SLC45A1: variants seen among roughly 807,000 people sequenced by gnomAD.
SLC45A1 encodes the protein solute carrier family 45 member 1, also known as proton-associated sugar transporter A.
In SLC45A1, 28 loss-of-function variants were observed where a neutral mutation model predicts 57.6. That is an observed-to-expected ratio of 0.49 (90% confidence interval 0.36 to 0.67). The LOEUF (loss-of-function observed/expected upper bound fraction) is 0.67. Ranked by LOEUF, SLC45A1 falls within the 30% of genes least tolerant of loss-of-function variation. SLC45A1 has a pLI of 0.00. For missense variants in SLC45A1, 814 were observed against 1,041.5 expected, an observed-to-expected ratio of 0.78 and a Z score of 3.01; for synonymous variants, 459 against 471.5, an observed-to-expected ratio of 0.97 and a Z score of 0.34.
intron 1 of SLC45A1, among the ~76,000 whole-genome samples, chr1:8,322,023 A>ATGGATGGG (rs1553149751): frequency 0.11 from 3,449 of 32,192 alleles, 433 homozygotes; most frequent in African/African-American, 0.2. Context: ...GGATGGATGG[A>ATGGATGGG]TGGATGGGTG....
intron 1 of SLC45A1, among the ~76,000 whole-genome samples, chr1:8,318,521 T>C (rs1026014142): frequency 2.6e-5 from 4 of 152,192 alleles, no homozygotes; most frequent in Admixed American, 2.0e-4. Flanking sequence ...CCTGGGCAGG[T>C]GTCATCCGCT....
At chr1:8,332,088 G>A (rs532696412) in intron 5 of SLC45A1, among the ~76,000 whole-genome samples, 7 of 152,294 alleles carry the variant, frequency 4.6e-5, no homozygotes, top group East Asian at 1.9e-4. Context: ...CACTGCGCCC[G>A]GCCGACAACT....
intron 1 of SLC45A1, among the ~76,000 whole-genome samples, chr1:8,320,908 G>A (rs563473875): frequency 6.6e-6 from 1 of 152,284 alleles, no homozygotes; most frequent in East Asian, 1.9e-4. Context: ...TGGGCAGAGG[G>A]ACAGAAAGGG....
chr1:8,344,001 G>C lies in SLC45A1; in HGVS notation c.2235G>C (p.Leu745=). The change falls in exon 9 of 9, where the codon CTG becomes CTC. Residue 745 remains leucine, a synonymous_variant. Coordinates refer to ENST00000471889, the MANE Select transcript of SLC45A1 (RefSeq NM_001080397.3). ...DAADEEHRPL[L]LNV ...CAGACGAGGAGCACCGGCCCCTCCT[G>C]CTGAACGTCTGACATCGCGGAGCCT... 1 of 1,607,702 alleles carries C rather than the reference G, an allele frequency of 6.2e-7. No homozygotes were observed. The highest frequency in any genetic ancestry group is 8.5e-7 in the Non-Finnish European group (1 of 1,175,850).
At chr1:8,338,020 G>A (rs779085166) in intron 7 of SLC45A1, 28 bp downstream of exon 7, 4 of 1,606,238 alleles carry the variant, frequency 2.5e-6, no homozygotes, top group South Asian at 1.1e-5. Flanking sequence ...GGCTGGCACG[G>A]CAGTGAGAGC....
Position 8,343,233 on chromosome 1 carries a change from C to T in SLC45A1, c.1981-514C>T, listed in dbSNP as rs1295950574. On this transcript the variant is annotated intron_variant, in intron 8 of 8. Transcript: ENST00000471889. The surrounding 1 kb of genome is among the most constrained non-coding windows in gnomAD (Gnocchi z 7.7). ...CGTCACTCTGCACAGACCACACTCTCAGCCACTGTCCCCCAGCATGGCATG... is the reference window on the plus strand; with the variant it reads ...CGTCACTCTGCACAGACCACACTCTTAGCCACTGTCCCCCAGCATGGCATG... Among the ~76,000 whole-genome samples, 1 of 152,208 alleles carries T rather than the reference C, an allele frequency of 6.6e-6. No homozygotes were observed. Among genetic ancestry groups the T allele is most frequent in the African/African-American group, 2.4e-5 (1 of 41,448 alleles).
At chr1:8,332,366 G>T (rs544932561) in intron 5 of SLC45A1, among the ~76,000 whole-genome samples, 2 of 152,334 alleles carry the variant, frequency 1.3e-5, no homozygotes, top group African/African-American at 4.8e-5. Flanking sequence ...ATAAAAACAG[G>T]AATCTCCAGG....
rs773256626 is a variant in SLC45A1, at chr1:8,335,427, CT to C, written c.1444-9del. On this transcript the variant is annotated splice_polypyrimidine_tract_variant and intron_variant, in intron 5 of 8. Coordinates refer to ENST00000471889, the MANE Select transcript of SLC45A1 (RefSeq NM_001080397.3). This position sits in a 1 kb window ranked among gnomAD's most constrained non-coding sequence, Gnocchi z 4.1. The stretch of plus-strand genomic sequence containing the variant: ...GGGGCTCTGATGAGGGGTTTGTGGG[CT>C]CTTCCCAGGTGGCCAATATCCTGCT... 27 of 1,577,770 alleles carry C rather than the reference CT, an allele frequency of 1.7e-5. No individual in the cohort carries two copies. Among genetic ancestry groups the C allele is most frequent in the Admixed American group, 6.9e-5 (4 of 57,956 alleles).
Position 8,330,897 on chromosome 1 carries a change from C to T in SLC45A1, c.1404C>T (p.Pro468=), listed in dbSNP as rs757279390. Residue 468 remains proline (P), a synonymous_variant, in exon 5 of 9, where the codon CCC becomes CCT. Transcript: ENST00000471889. This position sits in a 1 kb window ranked among gnomAD's most constrained non-coding sequence, Gnocchi z 8.4. ...CGGACGCAGCCGGAGGAGGGGGTCC[C>T]GAAACCAGCAGGAGAAGGAATGTGA... ...AIPDAAGGGG[P]ETSRRRNVTF... is the part of the protein sequence containing the mutation. The T allele has an allele frequency of 5.6e-6, 9 of 1,601,348 alleles. No individual in the cohort carries two copies. The highest frequency in any genetic ancestry group is 3.3e-5 in the South Asian group (3 of 90,660).
At position 8,325,397 on chromosome 1, in the gene SLC45A1, T is replaced by A. The variant is rs764248076; in HGVS notation, c.490+7T>A. The A allele has an allele frequency of 1.3e-6, 2 of 1,580,120 alleles. No individual in the cohort carries two copies. Among genetic ancestry groups the A allele is most frequent in the South Asian group, 2.2e-5 (2 of 89,752 alleles). On this transcript the variant is annotated splice_region_variant and intron_variant, in intron 3 of 8. Coordinates refer to ENST00000471889, the MANE Select transcript of SLC45A1 (RefSeq NM_001080397.3). The surrounding 1 kb of genome is among the most constrained non-coding windows in gnomAD (Gnocchi z 6.3). ...ATTCTTGTCCTGGCTATAGGTCTGT[T>A]GTTTTGGCATGGAAATAAAATGGAG...
In SLC45A1 at chr1:8,335,509, C is replaced by G. The variant is rs1640579158; in HGVS notation, c.1516C>G (p.Pro506Ala). Residue 506 changes from proline (P) to alanine (A), a missense_variant, in exon 6 of 9, where the codon CCT becomes GCT. By Grantham distance (27) the Pro-to-Ala change is conservative. Coordinates refer to ENST00000471889, the MANE Select transcript of SLC45A1 (RefSeq NM_001080397.3). This position sits in a 1 kb window ranked among gnomAD's most constrained non-coding sequence, Gnocchi z 4.1. ...GGGCTCCAGCGAGCGCGCGGAGCAG[C>G]CTCTGTCCGTGGGGCGCCTCTGCTC... ...LTGSSERAEQ[P>A]LSVGRLCSTI... The G allele has an allele frequency of 1.2e-6, 2 of 1,604,488 alleles. No individual in the cohort carries two copies. The highest frequency in any genetic ancestry group is 2.2e-5 in the East Asian group (1 of 44,872).
chr1:8,341,959 G>A (rs1640833925), intron 8 of SLC45A1, among the ~76,000 whole-genome samples: 5 of 152,126 alleles, frequency 3.3e-5, no homozygotes, highest in Middle Eastern at 3.4e-3. Context: ...TGTAATCCCA[G>A]CACTTTGGGA....
intron 8 of SLC45A1, among the ~76,000 whole-genome samples, 171 bp downstream of exon 8, chr1:8,339,869 T>G (rs1413294542): frequency 6.6e-6 from 1 of 152,204 alleles, no homozygotes; most frequent in Non-Finnish European, 1.5e-5. Context: ...GCGTGCCCCC[T>G]GCCTGTAATC....
At chr1:8,320,533 A>G (rs1639970813) in intron 1 of SLC45A1, among the ~76,000 whole-genome samples, 1 of 152,008 alleles carries the variant, frequency 6.6e-6, no homozygotes, top group Non-Finnish European at 1.5e-5. Flanking sequence ...AGTTCCAGCT[A>G]TTTGGGAGGC....
At chr1:8,340,335 T>C (rs1640770908) in intron 8 of SLC45A1, among the ~76,000 whole-genome samples, 1 of 152,072 alleles carries the variant, frequency 6.6e-6, no homozygotes, top group African/African-American at 2.4e-5. Flanking sequence ...GCTAATTTTT[T>C]GTATTTTTAG....
rs142493927 is a variant in SLC45A1 at position 8,335,458 on chromosome 1, G to A, written c.1465G>A (p.Gly489Ser). Residue 489 changes from glycine (G) to serine (S), a missense_variant, in exon 6 of 9, where the codon GGC (glycine) becomes AGC (serine). Physicochemically the swap from Gly to Ser is moderately conservative, Grantham distance 56. Transcript: ENST00000471889. The surrounding 1 kb of genome is among the most constrained non-coding windows in gnomAD (Gnocchi z 4.1). ...SQQVANILLN[G>S]VKYESELTGS... ...CCAGGTGGCCAATATCCTGCTCAAC[G>A]GCGTGAAGTATGAGAGCGAGCTGAC... 6.0e-5 allele frequency: 96 copies of A among 1,596,538 alleles called. 1 individual carries two copies. Among genetic ancestry groups the A allele is most frequent in the South Asian group, 5.4e-4 (49 of 90,492 alleles).
At position 8,326,088 on chromosome 1, in the gene SLC45A1, G is replaced by T; in HGVS notation, c.715+46G>T. 1 of 1,509,542 alleles carries T rather than the reference G, an allele frequency of 6.6e-7. No individual in the cohort carries two copies. The highest frequency in any genetic ancestry group is 1.4e-5 in the African/African-American group (1 of 73,148). The allele number at this position is 1,509,542 out of a possible 1,614,324, so 93.5% of individuals were successfully genotyped here. A position where few individuals can be genotyped will look rare whatever the true frequency, so the allele number is the denominator to read the frequency against. On this transcript the variant is annotated intron_variant, in intron 4 of 8. Transcript: ENST00000471889. The surrounding 1 kb of genome is among the most constrained non-coding windows in gnomAD (Gnocchi z 5.5). The stretch of plus-strand genomic sequence containing the variant: ...CGAAGCTGAATCTGCCGGGCTGCAG[G>T]CTTCAGACGTGTGGCTTTCGAGGCC...
rs1640155342 is a variant in SLC45A1 at position 8,325,089 on chromosome 1, G to A, written c.398-209G>A. On this transcript the variant is annotated intron_variant, in intron 2 of 8. Transcript: ENST00000471889. The surrounding 1 kb of genome is among the most constrained non-coding windows in gnomAD (Gnocchi z 6.3). The stretch of plus-strand genomic sequence containing the variant: ...GCTTAGGGCCTTAGGGTCCAAAGTG[G>A]AGGATTTAAGGAGATGCTGAGCAAT... 6.6e-6 allele frequency among the ~76,000 whole-genome samples: 1 copy of A among 152,164 alleles called. No individual in the cohort carries two copies. Among genetic ancestry groups the A allele is most frequent in the South Asian group, 2.1e-4 (1 of 4,830 alleles).
intron 8 of SLC45A1, 93 bp downstream of exon 8, chr1:8,339,791 G>A: frequency 8.3e-7 from 1 of 1,206,950 alleles, no homozygotes; most frequent in Non-Finnish European, 1.2e-6. Context: ...AATCTGCAGA[G>A]CCCGGTGCAA....
Sources: allele counts gnomAD v4.1 joint callset (sites outside exome capture counted in the v4.1 genomes callset), GRCh38; gene constraint gnomAD v4.1.1; non-coding constraint Gnocchi (gnomAD v3.1); transcripts MANE v1.5; gene names NCBI Gene and HGNC (gene_info 2026-07-23, HGNC 2026-07-21).